RBFOX1: variants seen among roughly 807,000 people sequenced by gnomAD.
The protein encoded by RBFOX1 is RNA binding fox-1 homolog 1.
Under a neutral mutation model 57.7 loss-of-function variants are expected in RBFOX1, and 8 were observed. The ratio of observed to expected loss-of-function variants is 0.14; its 90% CI spans 0.08 to 0.25. The LOEUF (loss-of-function observed/expected upper bound fraction) is 0.25, where lower values mean the gene tolerates loss of function less well. RBFOX1 is among the 10% of genes least tolerant of loss of function. The probability of loss-of-function intolerance (pLI) is 1.00; values close to 1 mark genes in which losing one functional copy is unlikely to be tolerated. For missense variants in RBFOX1, 611 were observed against 548.5 expected (o/e 1.11, Z -1.14); for synonymous variants, 326 against 222.4 (o/e 1.47, Z -4.15).
chr16:5,917,202 C>G (rs1051210764), intron 4 of RBFOX1, among the ~76,000 whole-genome samples: 3 of 152,156 alleles, frequency 2.0e-5, no homozygotes, highest in Non-Finnish European at 4.4e-5. Context: ...AGCGCCCGTG[C>G]TTTGAATCCA....
chr16:6,646,813 T>C lies in RBFOX1; in HGVS notation c.-63-7790T>C, dbSNP rs190136647. Among the ~76,000 whole-genome samples, 32 of 152,222 alleles carry C rather than the reference T, an allele frequency of 2.1e-4. No individual in the cohort carries two copies. The East Asian group carries it at 4.8e-3, about 23-fold the overall frequency. ...AGCAGACAAATTCAAGGAGAGTTTTTAGTAAGAGTGAGGGGTGTTTTTCCT... is the reference window on the plus strand; with the variant it reads ...AGCAGACAAATTCAAGGAGAGTTTTCAGTAAGAGTGAGGGGTGTTTTTCCT... On this transcript the variant is annotated intron_variant, in intron 2 of 15. Coordinates refer to ENST00000550418, the MANE Select transcript of RBFOX1 (RefSeq NM_018723.4).
intron 3 of RBFOX1, among the ~76,000 whole-genome samples, chr16:5,738,356 G>T (rs2052654115): frequency 6.6e-6 from 1 of 151,914 alleles, no homozygotes; most frequent in African/African-American, 2.4e-5. Flanking sequence ...TATAGCCCAG[G>T]TGCGGTGGCT....
chr16:6,373,977 TC>T lies in RBFOX1; in HGVS notation c.-64+56921del, dbSNP rs546134741. Among the ~76,000 whole-genome samples, 11 of 152,360 alleles carry T rather than the reference TC, an allele frequency of 7.2e-5. No individual in the cohort carries two copies. The South Asian group carries it at 2.3e-3, about 32-fold the overall frequency. ...GGAACAGGAATGGATGATTTATCTTTCGATTCTTTGCATTCTCCATAGTGCT... is the reference window on the plus strand; with the variant it reads ...GGAACAGGAATGGATGATTTATCTTTGATTCTTTGCATTCTCCATAGTGCT... On this transcript the variant is annotated intron_variant, in intron 2 of 15. Transcript: ENST00000550418.
chr16:6,944,287 C>G (rs1250875216), intron 3 of RBFOX1, among the ~76,000 whole-genome samples: 1 of 151,048 alleles, frequency 6.6e-6, no homozygotes. Context: ...CCCAGCTAGT[C>G]AGGAGGCTGA....
rs953392427 is a variant in RBFOX1 at position 6,651,817 on chromosome 16, C to T, written c.-63-2786C>T. ...AGGTGGAAACAGCCCAAATATCTAT[C>T]CACAGATGGCGCTTATGAATGGATA... On this transcript the variant is annotated intron_variant, in intron 2 of 15. Transcript: ENST00000550418. Among the ~76,000 whole-genome samples the T allele has an allele frequency of 4.6e-5, 7 of 152,280 alleles. No homozygotes were observed. The East Asian group carries it at 1.2e-3, about 25-fold the overall frequency.
At chr16:5,658,586 A>G (rs938648882) in intron 3 of RBFOX1, among the ~76,000 whole-genome samples, 4 of 152,008 alleles carry the variant, frequency 2.6e-5, no homozygotes, top group South Asian at 2.1e-4. Flanking sequence ...GCTCCCACTT[A>G]TAAGTGAGAA....
intron 1 of RBFOX1, among the ~76,000 whole-genome samples, chr16:5,290,933 C>G (rs1567288048): frequency 6.6e-6 from 1 of 152,106 alleles, no homozygotes; most frequent in South Asian, 2.1e-4. Context: ...TCCTGGATCT[C>G]AGGTGATGCA....
chr16:6,173,604 C>CTTTTTTTTTTTT lies in RBFOX1; in HGVS notation c.-126-143379_-126-143368dup, dbSNP rs35528338. Among the ~76,000 whole-genome samples, 69 of 70,950 alleles carry CTTTTTTTTTTTT rather than the reference C, an allele frequency of 9.7e-4. 9 individuals carry two copies. The highest frequency in any genetic ancestry group is 3.8e-3 in the African/African-American group (64 of 17,056). The allele number at this position is 70,950 out of a possible 152,430, so 46.5% of individuals were successfully genotyped here. A position where few individuals can be genotyped will look rare whatever the true frequency, so the allele number is the denominator to read the frequency against. ...GTATGGAGTGGACACTGACCACTCCCTTTTTTTTTTTTTTTTTTTTTTTGA... is the reference window on the plus strand; with the variant it reads ...GTATGGAGTGGACACTGACCACTCCCTTTTTTTTTTTTTTTTTTTTTTTTTTTTTTTTTTTGA... On this transcript the variant is annotated intron_variant, in intron 1 of 15. Transcript: ENST00000550418.
At chr16:6,778,230 C>A (rs1023942943) in intron 3 of RBFOX1, among the ~76,000 whole-genome samples, 2 of 152,060 alleles carry the variant, frequency 1.3e-5, no homozygotes, top group East Asian at 3.9e-4. Context: ...TAAATTAAAA[C>A]ATTAATTTCA....
At chr16:7,309,662 G>T (rs1467650992) in intron 4 of RBFOX1, among the ~76,000 whole-genome samples, 1 of 152,150 alleles carries the variant, frequency 6.6e-6, no homozygotes, top group Admixed American at 6.5e-5. Context: ...CAGGTTCTCT[G>T]CCCCAAGAGG....
At chr16:6,934,829 T>C (rs1373912157) in intron 3 of RBFOX1, among the ~76,000 whole-genome samples, 1 of 152,086 alleles carries the variant, frequency 6.6e-6, no homozygotes, top group African/African-American at 2.4e-5. Context: ...CTCCTGCAGG[T>C]AATCCCAGCA....
chr16:5,646,784 A>G (rs1023032584), intron 3 of RBFOX1, among the ~76,000 whole-genome samples: 2 of 151,948 alleles, frequency 1.3e-5, no homozygotes, highest in East Asian at 1.9e-4. Flanking sequence ...ACAGGCGCCC[A>G]TCACCACGCT....
chr16:7,710,600 C>A (rs746332304), intron 15 of RBFOX1, 23 bp from the exon 16 acceptor site: 11 of 1,610,104 alleles, frequency 6.8e-6, no homozygotes, highest in Middle Eastern at 1.7e-4. Flanking sequence ...AAAAAACACA[C>A]CCCTCAAATT....
chr16:6,063,046 C>T (rs2095709064), intron 1 of RBFOX1, among the ~76,000 whole-genome samples: 1 of 152,198 alleles, frequency 6.6e-6, no homozygotes, highest in Non-Finnish European at 1.5e-5. Context: ...ATACAGTCAG[C>T]TGTGATGATA....
intron 2 of RBFOX1, among the ~76,000 whole-genome samples, chr16:6,641,778 A>ATG: frequency 3.1e-5 from 1 of 31,806 alleles, no homozygotes; most frequent in Non-Finnish European, 5.8e-5. Context: ...AAAAAAAAAA[A>ATG]TAGGTTCTGC....
chr16:5,442,883 A>G (rs891095183), intron 1 of RBFOX1, among the ~76,000 whole-genome samples: 1 of 152,184 alleles, frequency 6.6e-6, no homozygotes, highest in African/African-American at 2.4e-5. Context: ...TAGAATTTTG[A>G]GATGACCCTG....
At chr16:6,895,668 G>T (rs1451337487) in intron 3 of RBFOX1, among the ~76,000 whole-genome samples, 1 of 151,382 alleles carries the variant, frequency 6.6e-6, no homozygotes, top group Non-Finnish European at 1.5e-5. Flanking sequence ...TGGAAAGGAG[G>T]CAAAAGTACC....
intron 1 of RBFOX1, among the ~76,000 whole-genome samples, chr16:5,344,956 T>C (rs1315163369): frequency 3.3e-5 from 5 of 152,208 alleles, no homozygotes; most frequent in African/African-American, 1.2e-4. Context: ...GTAAAATTCT[T>C]CTTTCCCGCA....
At chr16:6,134,861 ATACTT>A (rs1042002468) in intron 1 of RBFOX1, among the ~76,000 whole-genome samples, 3 of 151,406 alleles carry the variant, frequency 2.0e-5, no homozygotes, top group Non-Finnish European at 4.4e-5. Context: ...TTTTATTATT[ATACTT>A]TAAGTTCTAG....
Sources: allele counts gnomAD v4.1 joint callset (sites outside exome capture counted in the v4.1 genomes callset), GRCh38; gene constraint gnomAD v4.1.1; transcripts MANE v1.5; gene names NCBI Gene and HGNC (gene_info 2026-07-23, HGNC 2026-07-21).